The following ADGRL3 variants were observed in gnomAD, a reference collection of about 807,000 sequenced individuals.
ADGRL3 encodes calcium-independent alpha-latrotoxin receptor 3.
A neutral mutation model predicts 153.5 loss-of-function variants in ADGRL3; 62 were observed. That is an observed-to-expected ratio of 0.40 (90% CI 0.33 to 0.50). The LOEUF is 0.50. ADGRL3 is among the 20% of genes least tolerant of loss of function. ADGRL3 has a pLI of 0.47. For missense variants in ADGRL3, 1,641 were observed against 1,859.4 expected (o/e 0.88, Z 2.16); for synonymous variants, 710 against 672.5 (o/e 1.06, Z -0.86).
intron 9 of ADGRL3, among the ~76,000 whole-genome samples, chr4:61,818,930 A>G (rs557933353): frequency 6.6e-6 from 1 of 152,286 alleles, no homozygotes; most frequent in African/African-American, 2.4e-5. Flanking sequence ...AAATTACCAA[A>G]ATAACAATGC....
At chr4:61,799,803 C>G (rs1254387174) in intron 8 of ADGRL3, among the ~76,000 whole-genome samples, 1 of 152,000 alleles carries the variant, frequency 6.6e-6, no homozygotes, top group South Asian at 2.1e-4. Flanking sequence ...ATGATACAGG[C>G]AATGATGATG....
intron 8 of ADGRL3, among the ~76,000 whole-genome samples, chr4:61,810,862 C>T (rs768124287): frequency 6.6e-6 from 1 of 152,094 alleles, no homozygotes; most frequent in East Asian, 1.9e-4. Context: ...AAATTCTCTG[C>T]TTTATCTTTC....
chr4:61,785,461 A>G (rs923365614), intron 8 of ADGRL3, among the ~76,000 whole-genome samples: 3 of 152,104 alleles, frequency 2.0e-5, no homozygotes, highest in African/African-American at 7.2e-5. Context: ...AAATATTGTT[A>G]CCTACCTTCT....
chr4:61,793,438 CAAAA>C (rs1412394548), intron 8 of ADGRL3, among the ~76,000 whole-genome samples: 1 of 151,978 alleles, frequency 6.6e-6, no homozygotes, highest in Non-Finnish European at 1.5e-5. Flanking sequence ...AACAAACAAA[CAAAA>C]ATCAGATCTC....
At chr4:61,214,403 T>C (rs1400535575) in intron 1 of ADGRL3, among the ~76,000 whole-genome samples, 1 of 152,228 alleles carries the variant, frequency 6.6e-6, no homozygotes, top group African/African-American at 2.4e-5. Context: ...TAAAACTTTT[T>C]CTTTACCGTA....
chr4:62,024,658 C>A (rs182826031), intron 21 of ADGRL3, among the ~76,000 whole-genome samples: 1 of 151,978 alleles, frequency 6.6e-6, no homozygotes, highest in African/African-American at 2.4e-5. Flanking sequence ...AGGCTGGGCA[C>A]GGTAGCTCAC....
intron 21 of ADGRL3, among the ~76,000 whole-genome samples, chr4:62,008,449 T>C (rs1430688206): frequency 6.6e-6 from 1 of 152,166 alleles, no homozygotes; most frequent in South Asian, 2.1e-4. Flanking sequence ...TATTTCTTTA[T>C]GTGATAAAAT....
intron 11 of ADGRL3, among the ~76,000 whole-genome samples, chr4:61,907,733 C>A (rs1270034961): frequency 1.3e-5 from 2 of 151,858 alleles, no homozygotes; most frequent in Non-Finnish European, 2.9e-5. Context: ...TTCTTAATTG[C>A]TATATTTTGC....
At chr4:62,050,333 G>A (rs1210085898) in intron 25 of ADGRL3, among the ~76,000 whole-genome samples, 1 of 151,950 alleles carries the variant, frequency 6.6e-6, no homozygotes, top group Non-Finnish European at 1.5e-5. Flanking sequence ...AGCAAACACT[G>A]CCTTCACTTT....
chr4:62,057,244 T>TA (rs1027403415), intron 25 of ADGRL3, among the ~76,000 whole-genome samples: 4 of 152,172 alleles, frequency 2.6e-5, no homozygotes, highest in Non-Finnish European at 5.9e-5. Context: ...AGTCCTCAGT[T>TA]ACATATATTA....
intron 15 of ADGRL3, among the ~76,000 whole-genome samples, chr4:61,939,626 C>T (rs959270573): frequency 9.9e-5 from 15 of 152,060 alleles, no homozygotes; most frequent in East Asian, 1.9e-4. Flanking sequence ...TGTGCCACCA[C>T]GCCTGGCTAA....
intron 1 of ADGRL3, among the ~76,000 whole-genome samples, chr4:61,320,086 A>G (rs2095323518): frequency 6.6e-6 from 1 of 152,178 alleles, no homozygotes; most frequent in Non-Finnish European, 1.5e-5. Flanking sequence ...ATATGAGGGC[A>G]CAGTGAAAAG....
intron 6 of ADGRL3, among the ~76,000 whole-genome samples, chr4:61,678,150 T>C (rs940163288): frequency 4.6e-5 from 7 of 152,104 alleles, no homozygotes; most frequent in Admixed American, 1.3e-4. Flanking sequence ...ACGATTATTG[T>C]TCACTAGTGA....
At chr4:61,805,011 A>C in intron 8 of ADGRL3, among the ~76,000 whole-genome samples, 1 of 149,266 alleles carries the variant, frequency 6.7e-6, no homozygotes, top group East Asian at 2.0e-4. Flanking sequence ...GCTGGAGTGC[A>C]GTGGGGCGAT....
At chr4:61,393,186 A>G (rs1378941578) in intron 2 of ADGRL3, among the ~76,000 whole-genome samples, 1 of 152,174 alleles carries the variant, frequency 6.6e-6, no homozygotes, top group African/African-American at 2.4e-5. Flanking sequence ...ATCTAAAAAA[A>G]TATGATGTTG....
intron 2 of ADGRL3, among the ~76,000 whole-genome samples, chr4:61,457,889 GA>G (rs2097771664): frequency 1.3e-5 from 2 of 151,708 alleles, no homozygotes; most frequent in African/African-American, 4.8e-5. Context: ...TAGATAGATA[GA>G]TAGATAGATA....
At chr4:61,817,152 C>A (rs1258069949) in intron 9 of ADGRL3, among the ~76,000 whole-genome samples, 5 of 145,514 alleles carry the variant, frequency 3.4e-5, no homozygotes, top group Non-Finnish European at 6.1e-5. Context: ...TCTGCAGACC[C>A]CCCCCCCCCC....
At chr4:61,789,915 A>G (rs558002020) in intron 8 of ADGRL3, among the ~76,000 whole-genome samples, 1 of 152,340 alleles carries the variant, frequency 6.6e-6, no homozygotes, top group South Asian at 2.1e-4. Flanking sequence ...AGCACCTGTT[A>G]TTAAAAATAG....
At chr4:61,777,198 T>G (rs748380964) in intron 8 of ADGRL3, among the ~76,000 whole-genome samples, 13 of 152,102 alleles carry the variant, frequency 8.5e-5, no homozygotes, top group South Asian at 2.1e-4. Context: ...CCGGGCGTGG[T>G]GGCGGGCACC....
Sources: gnomAD v4.1 joint callset for allele counts (sites outside exome capture counted in the v4.1 genomes callset) on GRCh38, gnomAD v4.1.1 for gene constraint, MANE v1.5 for transcripts, NCBI Gene and HGNC (gene_info 2026-07-23, HGNC 2026-07-21) for gene names.